Variants in PWWP2A observed in about 807,000 individuals in gnomAD.
The protein encoded by PWWP2A is PWWP domain containing 2A.
A neutral mutation model predicts 48.5 loss-of-function variants in PWWP2A; 18 were observed. The observed-to-expected ratio is 0.37, with a 90% CI of 0.26 to 0.55. The LOEUF (loss-of-function observed/expected upper bound fraction) is 0.55, where lower values mean the gene tolerates loss of function less well. PWWP2A is among the 20% of genes least tolerant of loss of function. The pLI, the probability that PWWP2A is intolerant of heterozygous loss-of-function variation, is 0.81. For synonymous variants in PWWP2A, 396 were observed against 387.7 expected (o/e 1.02, Z -0.25); for missense variants, 867 against 976.4 (o/e 0.89, Z 1.49).
chr5:160,066,969 G>A (rs558386335), intron 2 of PWWP2A: 36 of 152,220 alleles, frequency 2.4e-4, no homozygotes, highest in African/African-American at 8.2e-4. Flanking sequence ...GAGCCCAGGG[G>A]TTCAAGGCTG....
chr5:160,062,943 C>A (rs879217596), intron 5 of PWWP2A, among the ~76,000 whole-genome samples: 5 of 152,198 alleles, frequency 3.3e-5, no homozygotes, highest in African/African-American at 4.8e-5. Flanking sequence ...CCTCCCTCTA[C>A]GCCCATGTGC....
the PWWP2A span, among the ~76,000 whole-genome samples, chr5:160,045,221 G>C: frequency 2.0e-5 from 3 of 152,146 alleles, no homozygotes; most frequent in Non-Finnish European, 4.4e-5. Context: ...ATATGAAACA[G>C]TTTACTTCCA....
At chr5:160,113,621 T>C (rs1757811819) in intron 1 of PWWP2A, among the ~76,000 whole-genome samples, 1 of 152,234 alleles carries the variant, frequency 6.6e-6, no homozygotes, top group Non-Finnish European at 1.5e-5. Context: ...AGGCAAGAAC[T>C]AAAACTTCAG....
intron 2 of PWWP2A, among the ~76,000 whole-genome samples, chr5:160,070,721 A>G (rs1753721206): frequency 6.6e-6 from 1 of 152,134 alleles, no homozygotes; most frequent in South Asian, 2.1e-4. Context: ...AACTTTAGGG[A>G]CATGGTGGCA....
At chr5:160,075,804 G>C (rs1247142687), downstream of PWWP2A, 1 of 9,708 alleles carries the variant, frequency 1.0e-4, no homozygotes, top group Non-Finnish European at 1.7e-4. Context: ...AATTCTAATA[G>C]TAAAAAAAAA....
chr5:160,076,661 T>C (rs1307945812), exon 4 of PWWP2A: 1 of 152,206 alleles, frequency 6.6e-6, no homozygotes, highest in Admixed American at 6.5e-5. Flanking sequence ...TTTCTTCAAG[T>C]TGTAAAACAA....
chr5:160,108,353 G>A (rs1011960618), intron 1 of PWWP2A, among the ~76,000 whole-genome samples: 13 of 152,188 alleles, frequency 8.5e-5, no homozygotes, highest in African/African-American at 3.1e-4. Context: ...GTGGGTCAGG[G>A]AGTGACTGGC....
In PWWP2A at chr5:160,117,613, C is replaced by T. The variant is rs529746914; in HGVS notation, c.584+1192G>A. 6.3e-4 allele frequency among the ~76,000 whole-genome samples: 96 copies of T among 151,492 alleles called. 1 individual carries two copies. The highest frequency in any genetic ancestry group is 2.1e-3 in the African/African-American group (87 of 41,284). ...CGGAGGTTGCAGTGAGACGATATGG[C>T]GCCACTGCACTCCAGCCTGGGTGAC... is the stretch of plus-strand genomic sequence containing the variant. On this transcript the variant is annotated intron_variant, in intron 1 of 1. Transcript: ENST00000307063.
chr5:160,066,315 T>TTTTTTTTTTTTTTTTTTTTTTTTTG (rs1753607904), intron 4 of PWWP2A, among the ~76,000 whole-genome samples: 1 of 147,876 alleles, frequency 6.8e-6, no homozygotes, highest in African/African-American at 2.5e-5. Flanking sequence ...TTTTTTTTTT[T>TTTTTTTTTTTTTTTTTTTTTTTTTG]GAGGGGGGTC....
the PWWP2A span, among the ~76,000 whole-genome samples, chr5:160,045,330 G>C: frequency 9.9e-5 from 15 of 152,152 alleles, 1 homozygote; most frequent in East Asian, 2.5e-3. Context: ...TTTTGGATTT[G>C]CTTAAACTAA....
rs766534919 is a variant in PWWP2A, at chr5:160,093,744, G to A, written c.906C>T (p.Tyr302=). The A allele has an allele frequency of 4.2e-5, 67 of 1,613,856 alleles. No homozygotes were observed. Among genetic ancestry groups the A allele is most frequent in the Non-Finnish European group, 5.1e-5 (60 of 1,179,900 alleles). Reference sequence around the variant, plus strand: ...TCATTATTGAAGTGGGTTCTTCCCTGTACATTTTTCGTTTGGGTCGCTTAA... The same window carrying A: ...TCATTATTGAAGTGGGTTCTTCCCTATACATTTTTCGTTTGGGTCGCTTAA... ...RKIKRPKRKM[Y]REEPTSIMNA... Residue 302 remains tyrosine (Y), a synonymous_variant, in exon 2 of 2, where the codon TAC becomes TAT. Transcript: ENST00000307063. This position sits in a 1 kb window ranked among gnomAD's most constrained non-coding sequence, Gnocchi z 5.8.
chr5:160,118,051 T>C (rs1758314624), intron 1 of PWWP2A: 1 of 165,812 alleles, frequency 6.0e-6, no homozygotes, highest in South Asian at 2.0e-4. Context: ...AATTTGTAGA[T>C]GAACTCAACC....
At chr5:160,058,461 A>T (rs1315156853), downstream of PWWP2A, among the ~76,000 whole-genome samples, 6 of 135,134 alleles carry the variant, frequency 4.4e-5, no homozygotes, top group Admixed American at 4.2e-4. Context: ...CCCAGGCTGG[A>T]GTGCAGTGGT....
chr5:160,103,655 G>A (rs190543831), intron 1 of PWWP2A, among the ~76,000 whole-genome samples: 1 of 152,060 alleles, frequency 6.6e-6, no homozygotes, highest in Non-Finnish European at 1.5e-5. Context: ...AGTGGTAAAT[G>A]GTGAAGACTA....
downstream of PWWP2A, among the ~76,000 whole-genome samples, chr5:160,074,908 G>A (rs1753831576): frequency 1.3e-5 from 2 of 151,676 alleles, no homozygotes; most frequent in African/African-American, 4.8e-5. Context: ...AGACCAGCCT[G>A]GACAACAAAG....
the PWWP2A span, among the ~76,000 whole-genome samples, chr5:160,045,518 ACACTCTCTCT>A: frequency 4.3e-4 from 28 of 65,738 alleles, no homozygotes; most frequent in African/African-American, 1.8e-3. Flanking sequence ...ACACACATAC[ACACTCTCTCT>A]CTCTCTCTCT....
chr5:160,044,645 C>T, the PWWP2A span, among the ~76,000 whole-genome samples: 1 of 152,208 alleles, frequency 6.6e-6, no homozygotes, highest in Non-Finnish European at 1.5e-5. Context: ...GACCAGAGGT[C>T]ACTTCCATCG....
chr5:160,085,603 T>C (rs1754570994), intron 2 of PWWP2A, among the ~76,000 whole-genome samples: 1 of 147,032 alleles, frequency 6.8e-6, no homozygotes, highest in African/African-American at 2.5e-5. Flanking sequence ...GCCTCCCGGG[T>C]TCAAGCAATT....
intron 3 of PWWP2A, among the ~76,000 whole-genome samples, chr5:160,080,250 C>CT (rs1381384755): frequency 8.6e-5 from 13 of 151,938 alleles, no homozygotes; most frequent in Non-Finnish European, 1.5e-5. Context: ...GAAGTAATGA[C>CT]TAAGAAGTTT....
Sources: gnomAD v4.1 joint callset for allele counts (sites outside exome capture counted in the v4.1 genomes callset) on GRCh38, gnomAD v4.1.1 for gene constraint, Gnocchi (gnomAD v3.1) non-coding constraint, MANE v1.5 for transcripts, NCBI Gene and HGNC (gene_info 2026-07-23, HGNC 2026-07-21) for gene names.